Variants in LEPR observed in about 807,000 individuals in gnomAD.
LEPR encodes the protein OB receptor.
In LEPR, 56 loss-of-function variants were observed where a neutral mutation model predicts 114.7. The ratio of observed to expected loss-of-function variants is 0.49; its 90% confidence interval spans 0.39 to 0.61. The LOEUF (loss-of-function observed/expected upper bound fraction) is 0.61. Ranked by LOEUF, LEPR falls within the 20% of genes least tolerant of loss-of-function variation. LEPR has a pLI of 0.00. For synonymous variants in LEPR, 443 were observed against 461.4 expected (o/e 0.96, Z 0.51); for missense variants, 1,202 against 1,352.9 (o/e 0.89, Z 1.75).
intron 15 of LEPR, 40 bp downstream of exon 15, chr1:65,616,264 A>G (rs377444582): frequency 4.5e-5 from 72 of 1,592,372 alleles, no homozygotes; most frequent in Non-Finnish European, 5.9e-5. Context: ...TGCCTCTTTT[A>G]ATATTTAACT....
intron 8 of LEPR, among the ~76,000 whole-genome samples, chr1:65,601,015 A>G (rs1656405826): frequency 6.6e-6 from 1 of 152,016 alleles, no homozygotes; most frequent in Non-Finnish European, 1.5e-5. Flanking sequence ...TCCTAGTTTC[A>G]CTGATTCCCA....
chr1:65,542,169 C>T (rs1273587194), intron 2 of LEPR, among the ~76,000 whole-genome samples: 1 of 152,112 alleles, frequency 6.6e-6, no homozygotes, highest in Non-Finnish European at 1.5e-5. Flanking sequence ...CATACCCATA[C>T]ATCATGGATG....
chr1:65,436,007 A>T, intron 2 of LEPR: 1 of 984,106 alleles, frequency 1.0e-6, no homozygotes, highest in South Asian at 4.7e-5. Context: ...TGACATTTTA[A>T]CAAAGGCTTT....
At chr1:65,508,500 G>A (rs1648871246) in intron 2 of LEPR, among the ~76,000 whole-genome samples, 1 of 152,126 alleles carries the variant, frequency 6.6e-6, no homozygotes, top group African/African-American at 2.4e-5. Flanking sequence ...GACTGTAGAT[G>A]TATAGGTTTA....
intron 5 of LEPR, among the ~76,000 whole-genome samples, chr1:65,575,567 C>T (rs1654526858): frequency 6.6e-6 from 1 of 151,168 alleles, no homozygotes; most frequent in Non-Finnish European, 1.5e-5. Context: ...TAAATGATGC[C>T]TTCTGAAGTT....
intron 2 of LEPR, among the ~76,000 whole-genome samples, chr1:65,489,447 C>T (rs1306986265): frequency 6.6e-6 from 1 of 151,896 alleles, no homozygotes; most frequent in African/African-American, 2.4e-5. Context: ...GATGTTTTGC[C>T]CATTTGTAAA....
In LEPR at chr1:65,608,896, T is replaced by A; in HGVS notation, c.1747T>A (p.Trp583Arg). 1 of 1,613,680 alleles carries A rather than the reference T, an allele frequency of 6.2e-7. No individual in the cohort carries two copies. The highest frequency in any genetic ancestry group is 1.3e-5 in the African/African-American group (1 of 75,038). ...TGGTTTAAGTGGAAAAGAAGTACAATGGAAGGTACCTTTTACTTAGAACTT... is the reference window on the plus strand; with the variant it reads ...TGGTTTAAGTGGAAAAGAAGTACAAAGGAAGGTACCTTTTACTTAGAACTT... ...RYGLSGKEVQ[W>R]KMYEVYDAKS... Residue 583 changes from tryptophan (W) to arginine (R), a missense_variant, in exon 12 of 20, where the codon TGG (tryptophan) becomes AGG (arginine). Coordinates refer to ENST00000349533, the MANE Select transcript of LEPR (RefSeq NM_002303.6).
intron 2 of LEPR, among the ~76,000 whole-genome samples, chr1:65,440,533 A>G (rs552523918): frequency 2.0e-5 from 3 of 152,302 alleles, no homozygotes; most frequent in African/African-American, 7.2e-5. Flanking sequence ...ACAGTGCCCA[A>G]GAAAGGCTTA....
At chr1:65,486,667 T>G (rs1041626248) in intron 2 of LEPR, among the ~76,000 whole-genome samples, 9 of 152,204 alleles carry the variant, frequency 5.9e-5, no homozygotes, top group African/African-American at 2.2e-4. Context: ...AATTAAGACC[T>G]ATCTCTGGGG....
chr1:65,611,090 T>A (rs1218759438), intron 14 of LEPR, among the ~76,000 whole-genome samples: 1 of 152,244 alleles, frequency 6.6e-6, no homozygotes, highest in African/African-American at 2.4e-5. Flanking sequence ...TCTAAAGTCT[T>A]CCATTTCAAT....
At position 65,636,750 on chromosome 1, in the gene LEPR, A is replaced by G; in HGVS notation, c.3233A>G (p.Tyr1078Cys). Residue 1078 changes from tyrosine to cysteine, a missense_variant, in exon 20 of 20, where the codon TAT becomes TGT. By Grantham distance (194) the Tyr-to-Cys change is radical. Coordinates refer to ENST00000349533, the MANE Select transcript of LEPR (RefSeq NM_002303.6). ...GAAAATAATGATAAAAAGTCTATCT[A>G]TTATTTAGGGGTCACCTCAATCAAA... ...PEENNDKKSIYYLGVTSIKKR... is the reference protein window; with the variant it reads ...PEENNDKKSICYLGVTSIKKR... The G allele has an allele frequency of 6.2e-7, 1 of 1,613,600 alleles. No individual in the cohort carries two copies. Among genetic ancestry groups the G allele is most frequent in the Non-Finnish European group, 8.5e-7 (1 of 1,179,842 alleles).
At chr1:65,526,145 G>A in intron 2 of LEPR, 6 of 985,326 alleles carry the variant, frequency 6.1e-6, no homozygotes, top group Non-Finnish European at 7.2e-6. Flanking sequence ...TTCTTTTCCA[G>A]GCTTCGTGCC....
intron 2 of LEPR, among the ~76,000 whole-genome samples, chr1:65,525,167 A>G (rs1396341618): frequency 6.6e-6 from 1 of 151,742 alleles, no homozygotes; most frequent in Non-Finnish European, 1.5e-5. Flanking sequence ...TCATGACCTC[A>G]CTAGTTTTGA....
At chr1:65,432,701 C>T (rs1646503203) in intron 2 of LEPR, 1 of 914,636 alleles carries the variant, frequency 1.1e-6, no homozygotes, top group South Asian at 5.0e-5. Flanking sequence ...GGTACAAAGC[C>T]TCAGTTAGGA....
chr1:65,599,873 T>C (rs1656327927), intron 8 of LEPR, among the ~76,000 whole-genome samples: 1 of 152,152 alleles, frequency 6.6e-6, no homozygotes, highest in Non-Finnish European at 1.5e-5. Flanking sequence ...AAATATTCAA[T>C]ATCTCATATC....
At chr1:65,458,985 G>A (rs886511532) in intron 2 of LEPR, among the ~76,000 whole-genome samples, 1 of 152,096 alleles carries the variant, frequency 6.6e-6, no homozygotes, top group African/African-American at 2.4e-5. Context: ...TCCATCAAAG[G>A]CACTCTTCAT....
intron 2 of LEPR, among the ~76,000 whole-genome samples, chr1:65,523,178 A>G (rs565836817): frequency 7.9e-5 from 12 of 152,228 alleles, no homozygotes; most frequent in Non-Finnish European, 1.8e-4. Flanking sequence ...GTCACTTGTG[A>G]GGTGCCATGC....
chr1:65,426,481 A>ACAT (rs1646372793), intron 2 of LEPR, among the ~76,000 whole-genome samples: 1 of 152,068 alleles, frequency 6.6e-6, no homozygotes, highest in African/African-American at 2.4e-5. Context: ...ATAACGTGAG[A>ACAT]CTAGATAGGA....
intron 2 of LEPR, among the ~76,000 whole-genome samples, chr1:65,490,707 C>T (rs866393571): frequency 2.0e-5 from 3 of 152,154 alleles, no homozygotes; most frequent in Middle Eastern, 6.8e-3. Context: ...AAGCATTTTA[C>T]GGAAAATGGC....
Sources: gnomAD v4.1 joint callset for allele counts (sites outside exome capture counted in the v4.1 genomes callset) on GRCh38, gnomAD v4.1.1 for gene constraint, MANE v1.5 for transcripts, NCBI Gene and HGNC (gene_info 2026-07-23, HGNC 2026-07-21) for gene names.